Variants in ARSG observed in about 807,000 individuals in gnomAD.
ARSG encodes arylsulfatase G.
ARSG carries 37 observed loss-of-function variants against 50.5 expected under a neutral mutation model. The ratio of observed to expected loss-of-function variants is 0.73; its 90% CI spans 0.56 to 0.96. The LOEUF (loss-of-function observed/expected upper bound fraction) is 0.96, where lower values mean the gene tolerates loss of function less well. ARSG is among the 50% of genes least tolerant of loss of function. The probability of loss-of-function intolerance (pLI) is 0.00; values close to 1 mark genes in which losing one functional copy is unlikely to be tolerated. For missense variants in ARSG, 629 were observed against 675.3 expected, an observed-to-expected ratio of 0.93 and a Z score of 0.76; for synonymous variants, 225 against 254.6, an observed-to-expected ratio of 0.88 and a Z score of 1.11.
chr17:68,337,501 C>T (rs2078075443), intron 2 of ARSG, among the ~76,000 whole-genome samples: 1 of 152,144 alleles, frequency 6.6e-6, no homozygotes, highest in Non-Finnish European at 1.5e-5. Context: ...GAAGACAGGT[C>T]TCCTGGAAGG....
At position 68,368,631 on chromosome 17, in the gene ARSG, C is replaced by G; in HGVS notation, c.788C>G (p.Pro263Arg). 1 of 1,614,234 alleles carries G rather than the reference C, an allele frequency of 6.2e-7. No homozygotes were observed. The highest frequency in any genetic ancestry group is 8.5e-7 in the Non-Finnish European group (1 of 1,180,024). Residue 263 changes from proline to arginine, a missense_variant, in exon 7 of 12, where the codon CCA becomes CGA. Coordinates refer to ENST00000621439, the MANE Select transcript of ARSG (RefSeq NM_001267727.2). ...CCTGTGACTCAGCTACCAGCAGCGC[C>G]ACGGGGCAGAAGCCTGTATGGTGCA... ...PLPVTQLPAA[P>R]RGRSLYGAGL...
chr17:68,263,702 G>A (rs2075108279), intron 1 of ARSG, among the ~76,000 whole-genome samples: 1 of 152,050 alleles, frequency 6.6e-6, no homozygotes, highest in African/African-American at 2.4e-5. Flanking sequence ...CACTCACCGT[G>A]GCTTCCTGAA....
At chr17:68,432,957 A>AT in the ARSG span, among the ~76,000 whole-genome samples, 1 of 152,146 alleles carries the variant, frequency 6.6e-6, no homozygotes, top group Admixed American at 6.6e-5. Context: ...GATTTTATCC[A>AT]TTTTTTAGGC....
chr17:68,434,433 T>C, the ARSG span: 2 of 942,022 alleles, frequency 2.1e-6, no homozygotes, highest in Non-Finnish European at 3.2e-6. Flanking sequence ...GGAGAGTAGT[T>C]ACACTTCCTC....
downstream of ARSG, among the ~76,000 whole-genome samples, chr17:68,423,068 C>T (rs536065494): frequency 9.9e-5 from 15 of 152,150 alleles, no homozygotes; most frequent in Non-Finnish European, 2.1e-4. This position sits in a 1 kb window ranked among gnomAD's most constrained non-coding sequence, Gnocchi z 4.4. Context: ...GCTCCTGTAG[C>T]AGACTACTCA....
At chr17:68,333,203 T>C (rs1395343064) in intron 2 of ARSG, among the ~76,000 whole-genome samples, 2 of 152,116 alleles carry the variant, frequency 1.3e-5, no homozygotes, top group Non-Finnish European at 2.9e-5. Context: ...ACACCTGTAG[T>C]CCCAGCTACT....
chr17:68,362,230 C>A lies in ARSG; in HGVS notation c.704+5426C>A, dbSNP rs528806816. On this transcript the variant is annotated intron_variant, in intron 6 of 11. Transcript: ENST00000621439. ...AAGTGCCCCTGCTGTGGTGCTGCCCCCTCCTCATCTTGCCTCTCACCCGGC... is the reference window on the plus strand; with the variant it reads ...AAGTGCCCCTGCTGTGGTGCTGCCCACTCCTCATCTTGCCTCTCACCCGGC... Among the ~76,000 whole-genome samples, 166 of 152,130 alleles carry A rather than the reference C, an allele frequency of 1.1e-3. 1 individual carries two copies. Among genetic ancestry groups the A allele is most frequent in the Middle Eastern group, 3.4e-3 (1 of 294 alleles).
chr17:68,330,747 T>G (rs1394697708), intron 2 of ARSG, among the ~76,000 whole-genome samples: 2 of 152,044 alleles, frequency 1.3e-5, no homozygotes, highest in Non-Finnish European at 2.9e-5. Flanking sequence ...CAAGCAGTTT[T>G]CTCCTGGCCT....
rs2078371586 is a variant in ARSG, at chr17:68,343,610, G to A, written c.225G>A (p.Val75=). 1 of 1,608,304 alleles carries A rather than the reference G, an allele frequency of 6.2e-7. No individual in the cohort carries two copies. Among genetic ancestry groups the A allele is most frequent in the Non-Finnish European group, 8.5e-7 (1 of 1,176,440 alleles). Residue 75 remains valine, a synonymous_variant, in exon 3 of 12, where the codon GTG becomes GTA. Coordinates refer to ENST00000621439, the MANE Select transcript of ARSG (RefSeq NM_001267727.2). ...CACTGTCCTTTCCCTGCAGGTTTGT[G>A]GATTTCCATGCAGCTGCCTCCACCT... ...DKMASEGMRF[V]DFHAAASTCS...
chr17:68,404,794 T>A (rs1002020376), intron 11 of ARSG, among the ~76,000 whole-genome samples: 1 of 152,248 alleles, frequency 6.6e-6, no homozygotes, highest in African/African-American at 2.4e-5. Flanking sequence ...GTCATATTTT[T>A]AAAAAGAGTG....
upstream of ARSG, among the ~76,000 whole-genome samples, chr17:68,286,560 A>G (rs1423282434): frequency 6.6e-6 from 1 of 152,140 alleles, no homozygotes; most frequent in Non-Finnish European, 1.5e-5. Context: ...GCTGAAGTGC[A>G]GTGGCACGAT....
At chr17:68,400,026 C>T (rs796291577) in intron 10 of ARSG, 6 of 152,340 alleles carry the variant, frequency 3.9e-5, no homozygotes, top group African/African-American at 1.2e-4. Flanking sequence ...ACCTGGAAGC[C>T]GCAGGTGTGG....
intron 8 of ARSG, chr17:68,379,763 T>C (rs2080340218): frequency 1.1e-6 from 1 of 932,802 alleles, no homozygotes; most frequent in South Asian, 5.0e-5. Context: ...TCGAATGACA[T>C]TCAGCATTAG....
chr17:68,370,118 G>A (rs901439534), intron 7 of ARSG, among the ~76,000 whole-genome samples: 2 of 152,024 alleles, frequency 1.3e-5, no homozygotes, highest in African/African-American at 2.4e-5. Context: ...GGGTTCAAGC[G>A]TTTTTTGCAC....
intron 11 of ARSG, among the ~76,000 whole-genome samples, chr17:68,415,444 GGTCT>G (rs2082305152): frequency 6.6e-6 from 1 of 152,072 alleles, no homozygotes; most frequent in Non-Finnish European, 1.5e-5. Flanking sequence ...CCTATTGTAT[GGTCT>G]GTCTTGGAGA....
intron 9 of ARSG, among the ~76,000 whole-genome samples, chr17:68,390,693 A>G (rs7208344): frequency 0.16 from 24,988 of 152,002 alleles, 4,036 homozygotes; most frequent in African/African-American, 0.4. Flanking sequence ...GCACGATCTC[A>G]GATCACTGCA....
chr17:68,333,111 C>T (rs963506278), intron 2 of ARSG, among the ~76,000 whole-genome samples: 2 of 150,950 alleles, frequency 1.3e-5, no homozygotes, highest in Non-Finnish European at 2.9e-5. Flanking sequence ...GAGATTGAGA[C>T]CATCCTGGCT....
chr17:68,395,053 C>CA lies in ARSG; in HGVS notation c.1092-19dup, dbSNP rs1339762184. ...CGAGTCAGAAGAGCTGGGGACAACT[C>CA]AGTCTTGTTATTTCCGCAGCGTGCT... On this transcript the variant is annotated intron_variant, in intron 9 of 11. Transcript: ENST00000621439. 3 of 1,613,148 alleles carry CA rather than the reference C, an allele frequency of 1.9e-6. No individual in the cohort carries two copies. Among genetic ancestry groups the CA allele is most frequent in the African/African-American group, 2.7e-5 (2 of 74,904 alleles).
chr17:68,314,039 T>A (rs1555767670), intron 2 of ARSG, among the ~76,000 whole-genome samples: 1 of 152,138 alleles, frequency 6.6e-6, no homozygotes, highest in African/African-American at 2.4e-5. Flanking sequence ...GGTCAGTCAG[T>A]ATCTGTCGCA....
Sources: allele counts gnomAD v4.1 joint callset (sites outside exome capture counted in the v4.1 genomes callset), GRCh38; gene constraint gnomAD v4.1.1; non-coding constraint Gnocchi (gnomAD v3.1); transcripts MANE v1.5; gene names NCBI Gene and HGNC (gene_info 2026-07-23, HGNC 2026-07-21).